DAB1: variants seen among roughly 807,000 people sequenced by gnomAD.
DAB1 encodes the protein DAB adaptor protein 1, also known as disabled homolog 1.
DAB1 carries 15 observed loss-of-function variants against 64.6 expected under a neutral mutation model. The observed-to-expected ratio is 0.23, with a 90% CI of 0.16 to 0.36. The LOEUF is 0.36. DAB1 is among the 10% of genes least tolerant of loss of function. The probability of loss-of-function intolerance (pLI) is 1.00; values close to 1 mark genes in which losing one functional copy is unlikely to be tolerated. For missense variants in DAB1, 596 were observed against 706.7 expected (o/e 0.84, Z 1.78); for synonymous variants, 235 against 251.9 (o/e 0.93, Z 0.64).
intron 5 of DAB1, among the ~76,000 whole-genome samples, chr1:58,147,575 T>TGGAGTGTTGCCAG (rs1654675917): frequency 2.0e-5 from 3 of 151,322 alleles, no homozygotes; most frequent in African/African-American, 7.3e-5. Flanking sequence ...GAGATTGCAC[T>TGGAGTGTTGCCAG]GCACTCCAGC....
intron 3 of DAB1, among the ~76,000 whole-genome samples, chr1:58,441,962 G>T (rs1645014608): frequency 6.6e-6 from 1 of 152,094 alleles, no homozygotes. Flanking sequence ...GGAGACTGAG[G>T]GATGGTTGGG....
At chr1:57,524,464 T>G (rs1644567399) in intron 7 of DAB1, among the ~76,000 whole-genome samples, 1 of 152,208 alleles carries the variant, frequency 6.6e-6, no homozygotes, top group Non-Finnish European at 1.5e-5. Context: ...TTATTTCACC[T>G]GGGTGCAGGT....
intron 1 of DAB1, among the ~76,000 whole-genome samples, chr1:57,375,267 T>C (rs1057158090): frequency 1.3e-5 from 2 of 152,132 alleles, no homozygotes; most frequent in Admixed American, 6.6e-5. Context: ...GTGCTCGATC[T>C]CCAGGATCTC....
chr1:57,002,445 T>G (rs996474150), intron 14 of DAB1, among the ~76,000 whole-genome samples: 1 of 152,224 alleles, frequency 6.6e-6, no homozygotes, highest in Non-Finnish European at 1.5e-5. Flanking sequence ...TTGGGGATGG[T>G]CAACAAAGTG....
intron 7 of DAB1, among the ~76,000 whole-genome samples, chr1:57,485,816 G>A (rs1425174835): frequency 6.6e-6 from 1 of 152,208 alleles, no homozygotes; most frequent in Admixed American, 6.5e-5. Flanking sequence ...TCACTGTGAT[G>A]TTCAAGAAAG....
At chr1:57,576,131 TTTA>T (rs1319451016) in intron 7 of DAB1, among the ~76,000 whole-genome samples, 2 of 152,308 alleles carry the variant, frequency 1.3e-5, no homozygotes, top group East Asian at 3.9e-4. Context: ...ATCTTTTATT[TTTA>T]TTATTTTTAT....
intron 2 of DAB1, among the ~76,000 whole-genome samples, chr1:57,277,437 G>C (rs1332788927): frequency 6.6e-6 from 1 of 151,968 alleles, no homozygotes; most frequent in Admixed American, 6.6e-5. Flanking sequence ...GCCTCAACCT[G>C]ACCAAAAGCC....
chr1:57,089,569 TG>T (rs1653442388), intron 4 of DAB1, among the ~76,000 whole-genome samples: 1 of 148,484 alleles, frequency 6.7e-6, no homozygotes, highest in East Asian at 2.0e-4. Flanking sequence ...GAGAGTGAGG[TG>T]GGGGTGAGGG....
At chr1:57,918,274 T>G (rs941373756) in intron 5 of DAB1, among the ~76,000 whole-genome samples, 17 of 152,128 alleles carry the variant, frequency 1.1e-4, no homozygotes, top group African/African-American at 1.4e-4. Flanking sequence ...CATTTTGTTT[T>G]GCTGTAACAG....
intron 1 of DAB1, among the ~76,000 whole-genome samples, chr1:57,411,748 C>T (rs1159462361): frequency 6.6e-6 from 1 of 152,236 alleles, no homozygotes; most frequent in African/African-American, 2.4e-5. Context: ...TCCTTTTAAG[C>T]CCTCTGCACT....
At chr1:58,337,480 C>T (rs962075356) in intron 4 of DAB1, among the ~76,000 whole-genome samples, 2 of 152,074 alleles carry the variant, frequency 1.3e-5, no homozygotes, top group Non-Finnish European at 2.9e-5. Context: ...TGGAATAAAT[C>T]ATTGGTAGCA....
intron 5 of DAB1, among the ~76,000 whole-genome samples, chr1:57,894,896 C>T (rs145861249): frequency 1.3e-5 from 2 of 152,252 alleles, no homozygotes; most frequent in East Asian, 3.9e-4. Context: ...AAACTATCCA[C>T]TCACATCACA....
At chr1:57,805,626 G>A (rs1026318743) in intron 6 of DAB1, among the ~76,000 whole-genome samples, 3 of 152,114 alleles carry the variant, frequency 2.0e-5, no homozygotes, top group African/African-American at 7.2e-5. Context: ...AGTCTGGACT[G>A]TTTCTGGAAA....
chr1:57,208,263 C>A (rs1665747986), intron 2 of DAB1, among the ~76,000 whole-genome samples: 1 of 152,206 alleles, frequency 6.6e-6, no homozygotes. Flanking sequence ...GGGCTGCTCC[C>A]AAGTATGTCA....
intron 7 of DAB1, among the ~76,000 whole-genome samples, chr1:57,457,353 A>C (rs1686636205): frequency 6.6e-6 from 1 of 152,174 alleles, no homozygotes; most frequent in South Asian, 2.1e-4. Context: ...AGAGCCATTC[A>C]CATATTACAT....
At chr1:57,850,968 A>G (rs972123619) in intron 1 of DAB1, among the ~76,000 whole-genome samples, 18 of 152,234 alleles carry the variant, frequency 1.2e-4, no homozygotes, top group African/African-American at 2.9e-4. Flanking sequence ...AAGCCCCCCA[A>G]GGCTTAGCTT....
chr1:58,489,051 T>A (rs191017037), intron 3 of DAB1, among the ~76,000 whole-genome samples: 27 of 152,204 alleles, frequency 1.8e-4, no homozygotes, highest in Non-Finnish European at 3.4e-4. Context: ...CATTTCCAAC[T>A]GAGGTACTGG....
intron 4 of DAB1, among the ~76,000 whole-genome samples, chr1:58,232,247 G>A (rs1659809634): frequency 6.6e-6 from 1 of 152,292 alleles, no homozygotes; most frequent in East Asian, 1.9e-4. Context: ...GGAAATATGA[G>A]AAGAGACCGT....
At chr1:57,707,277 G>A (rs1646979201) in intron 6 of DAB1, among the ~76,000 whole-genome samples, 1 of 151,570 alleles carries the variant, frequency 6.6e-6, no homozygotes, top group South Asian at 2.1e-4. Context: ...GTGACCTTTA[G>A]GTATTAGATT....
Sources: gnomAD v4.1 joint callset for allele counts (sites outside exome capture counted in the v4.1 genomes callset) on GRCh38, gnomAD v4.1.1 for gene constraint, MANE v1.5 for transcripts, NCBI Gene and HGNC (gene_info 2026-07-23, HGNC 2026-07-21) for gene names.